Variants in ASB15 observed in about 807,000 individuals in gnomAD.
ASB15 encodes ankyrin repeat and SOCS box containing 15.
ASB15 carries 54 observed loss-of-function variants against 58.0 expected under a neutral mutation model. The ratio of observed to expected loss-of-function variants is 0.93; its 90% CI spans 0.75 to 1.17. The LOEUF (loss-of-function observed/expected upper bound fraction) is 1.17. Among genes scored for constraint, ASB15 ranks in the 50% most tolerant of loss-of-function variants. ASB15 has a pLI of 0.00. For synonymous variants in ASB15, 249 were observed against 262.4 expected (o/e 0.95, Z 0.50); for missense variants, 680 against 707.4 (o/e 0.96, Z 0.44).
intron 1 of ASB15, among the ~76,000 whole-genome samples, chr7:123,574,073 C>G (rs892330234): frequency 6.6e-6 from 1 of 152,136 alleles, no homozygotes; most frequent in Non-Finnish European, 1.5e-5. Flanking sequence ...CAGTCTATTT[C>G]CACATGATTG....
chr7:123,591,077 C>T (rs1174951694), intron 1 of ASB15, among the ~76,000 whole-genome samples: 1 of 152,082 alleles, frequency 6.6e-6, no homozygotes, highest in Admixed American at 6.6e-5. Context: ...AATGGGAGTT[C>T]ACTCATAATT....
intron 3 of ASB15, among the ~76,000 whole-genome samples, chr7:123,609,522 T>C (rs968476697): frequency 4.6e-5 from 7 of 152,194 alleles, no homozygotes; most frequent in Non-Finnish European, 8.8e-5. Flanking sequence ...TGGAAGCAAC[T>C]GTCCACTCTG....
At chr7:123,625,325 T>C (rs1801702978) in intron 8 of ASB15, among the ~76,000 whole-genome samples, 1 of 152,204 alleles carries the variant, frequency 6.6e-6, no homozygotes, top group African/African-American at 2.4e-5. Context: ...AAATAGTTTC[T>C]AACCATTTTC....
intron 1 of ASB15, among the ~76,000 whole-genome samples, chr7:123,590,153 T>C (rs902565853): frequency 6.6e-6 from 1 of 152,194 alleles, no homozygotes; most frequent in Admixed American, 6.5e-5. Context: ...CTTTGCCCAC[T>C]TGTTGATGGG....
intron 1 of ASB15, among the ~76,000 whole-genome samples, chr7:123,603,218 T>C (rs1431467997): frequency 6.6e-6 from 1 of 152,188 alleles, no homozygotes; most frequent in African/African-American, 2.4e-5. Flanking sequence ...TCTGAGGGCA[T>C]GGATCCCATA....
At chr7:123,574,142 A>G (rs960448510) in intron 1 of ASB15, among the ~76,000 whole-genome samples, 8 of 151,678 alleles carry the variant, frequency 5.3e-5, no homozygotes, top group African/African-American at 1.9e-4. Flanking sequence ...GTTTTTTAGA[A>G]TCATTTTTGA....
intron 1 of ASB15, among the ~76,000 whole-genome samples, chr7:123,575,240 T>C (rs1246494202): frequency 6.6e-6 from 1 of 152,054 alleles, no homozygotes; most frequent in African/African-American, 2.4e-5. Context: ...ATTAGTTCCC[T>C]ACTAGGAAAA....
At chr7:123,607,261 T>C (rs1005235820) in intron 2 of ASB15, among the ~76,000 whole-genome samples, 3 of 152,226 alleles carry the variant, frequency 2.0e-5, no homozygotes, top group African/African-American at 7.2e-5. Context: ...TAAATAAACA[T>C]CATACTTAAA....
intron 1 of ASB15, among the ~76,000 whole-genome samples, chr7:123,585,581 A>G (rs1010677037): frequency 2.6e-5 from 4 of 151,742 alleles, no homozygotes; most frequent in Non-Finnish European, 5.9e-5. Context: ...ACATTGTGAA[A>G]TGATTACCAC....
chr7:123,579,528 T>C (rs898179839), intron 1 of ASB15, among the ~76,000 whole-genome samples: 4 of 152,074 alleles, frequency 2.6e-5, no homozygotes, highest in Non-Finnish European at 5.9e-5. Flanking sequence ...TTGTTCTGAT[T>C]TCTTTTCTCT....
At position 123,567,480 on chromosome 7, in the gene ASB15, T is replaced by C. The variant is rs1345497644; in HGVS notation, c.-443+392T>C. 2.0e-5 allele frequency among the ~76,000 whole-genome samples: 3 copies of C among 152,316 alleles called. No homozygotes were observed. In the East Asian group the frequency reaches 5.8e-4, roughly 29 times the overall value. ...TAAAAGAGCTCTTGTTTATCCAAAA[T>C]TAAGTGTTGGAAGAGTTAGGACTTC... is the stretch of plus-strand genomic sequence containing the variant. On this transcript the variant is annotated intron_variant, in intron 1 of 13. Coordinates refer to the ASB15 transcript ENST00000451558.
At chr7:123,624,968 T>A in intron 8 of ASB15, 154 bp downstream of exon 8, 1 of 858,966 alleles carries the variant, frequency 1.2e-6, no homozygotes, top group African/African-American at 1.7e-5. Context: ...ACCTGGTCCC[T>A]CAGTAGACCC....
In ASB15 at chr7:123,638,949, A is replaced by G. The variant is rs1183698886; in HGVS notation, c.*1968A>G. 1 of 152,222 alleles carries G rather than the reference A, an allele frequency of 6.6e-6. No homozygotes were observed. The highest frequency in any genetic ancestry group is 1.5e-5 in the Non-Finnish European group (1 of 68,046). 9.4% of individuals were successfully genotyped at this position (152,222 alleles called of 1,614,324 possible). On this transcript the variant is annotated 3_prime_UTR_variant, in exon 12 of 12. Transcript: ENST00000451215. ...TTTCTCAGGGCCAAACACATTCCCT[A>G]GAGCATGGAGTTCAATAATTGTTTG... is the stretch of plus-strand genomic sequence containing the variant.
At chr7:123,595,853 T>C (rs1452753404) in intron 1 of ASB15, among the ~76,000 whole-genome samples, 1 of 152,188 alleles carries the variant, frequency 6.6e-6, no homozygotes, top group African/African-American at 2.4e-5. Context: ...TCTTCAAGAC[T>C]GGAAAATTAC....
intron 1 of ASB15, among the ~76,000 whole-genome samples, chr7:123,591,041 AT>A (rs1799524290): frequency 6.6e-6 from 1 of 151,986 alleles, no homozygotes; most frequent in African/African-American, 2.4e-5. Context: ...ATTCCTAGGT[AT>A]TTTATTCTCT....
upstream of ASB15, among the ~76,000 whole-genome samples, chr7:123,600,062 T>C (rs1169930458): frequency 3.9e-5 from 6 of 152,198 alleles, no homozygotes; most frequent in South Asian, 4.1e-4. Flanking sequence ...TCTTATTGTG[T>C]GTGCATAGAT....
chr7:123,618,302 C>T (rs1302942502), intron 7 of ASB15, among the ~76,000 whole-genome samples: 2 of 143,022 alleles, frequency 1.4e-5, no homozygotes, highest in Non-Finnish European at 3.1e-5. Context: ...TAAGAATTGG[C>T]AAGTCTGTTT....
At chr7:123,576,871 A>G (rs1222618495) in intron 1 of ASB15, among the ~76,000 whole-genome samples, 1 of 152,130 alleles carries the variant, frequency 6.6e-6, no homozygotes, top group Admixed American at 6.6e-5. Flanking sequence ...ACATTATTCC[A>G]GTTTTGTGAA....
chr7:123,586,124 T>C (rs1271068140), intron 1 of ASB15, among the ~76,000 whole-genome samples: 1 of 151,832 alleles, frequency 6.6e-6, no homozygotes. Flanking sequence ...ATATAATAGA[T>C]TTATTTTAAA....
Sources: allele counts gnomAD v4.1 joint callset (sites outside exome capture counted in the v4.1 genomes callset), GRCh38; gene constraint gnomAD v4.1.1; transcripts MANE v1.5; gene names NCBI Gene and HGNC (gene_info 2026-07-23, HGNC 2026-07-21).